TAFA2: variants seen among roughly 807,000 people sequenced by gnomAD.
TAFA2 encodes chemokine-like protein TAFA-2.
Under a neutral mutation model 18.8 loss-of-function variants are expected in TAFA2, and 7 were observed. That is an observed-to-expected ratio of 0.37 (90% confidence interval 0.21 to 0.70). The LOEUF (loss-of-function observed/expected upper bound fraction) is 0.70. Ranked by LOEUF, TAFA2 falls within the 30% of genes least tolerant of loss-of-function variation. The pLI is 0.53. For missense variants in TAFA2, 122 were observed against 158.1 expected, an observed-to-expected ratio of 0.77 and a Z score of 1.23; for synonymous variants, 60 against 54.2, an observed-to-expected ratio of 1.11 and a Z score of -0.47.
Position 61,755,879 on chromosome 12 carries a change from C to T in TAFA2, c.107-855G>A, listed in dbSNP as rs115808426. On this transcript the variant is annotated intron_variant, in intron 2 of 4. Coordinates refer to ENST00000416284, the MANE Select transcript of TAFA2 (RefSeq NM_178539.5). ...ATTTCTTCTTCAAATAGTAATCCTA[C>T]TGTGAAAAGATAAAACTTTTGCCTG... is the stretch of plus-strand genomic sequence containing the variant. 3.3e-3 allele frequency among the ~76,000 whole-genome samples: 502 copies of T among 152,028 alleles called. 4 individuals are homozygous for T. The highest frequency in any genetic ancestry group is 0.011 in the African/African-American group (469 of 41,474).
In TAFA2 at chr12:61,973,395, ATTTTT is replaced by A. The variant is rs33918768; in HGVS notation, c.-1-105974_-1-105970del. On this transcript the variant is annotated intron_variant, in intron 1 of 4. Coordinates refer to ENST00000416284, the MANE Select transcript of TAFA2 (RefSeq NM_178539.5). Reference sequence around the variant, plus strand: ...GATTTCCTTGGAAAATATTATTTAGATTTTTTTTTTTTTTTTTTTAGTTTTCATTA... The same window carrying A: ...GATTTCCTTGGAAAATATTATTTAGATTTTTTTTTTTTTTAGTTTTCATTA... Among the ~76,000 whole-genome samples the A allele has an allele frequency of 2.4e-3, 332 of 135,570 alleles. 2 individuals carry two copies. Among genetic ancestry groups the A allele is most frequent in the African/African-American group, 8.5e-3 (316 of 37,240 alleles). The allele number at this position is 135,570 out of a possible 152,430, so 88.9% of individuals were successfully genotyped here. A position where few individuals can be genotyped will look rare whatever the true frequency, so the allele number is the denominator to read the frequency against.
At chr12:61,883,174 A>C (rs1449189365) in intron 1 of TAFA2, among the ~76,000 whole-genome samples, 3 of 152,100 alleles carry the variant, frequency 2.0e-5, no homozygotes, top group African/African-American at 7.2e-5. Context: ...CATAGTAAAC[A>C]AAAAAAATTC....
At chr12:61,948,092 T>C (rs1389848775) in intron 1 of TAFA2, among the ~76,000 whole-genome samples, 1 of 152,048 alleles carries the variant, frequency 6.6e-6, no homozygotes, top group Non-Finnish European at 1.5e-5. Flanking sequence ...GTTTCTTTCA[T>C]TTAATCTACA....
At position 62,153,045 on chromosome 12, in the gene TAFA2, C is replaced by T. The variant is rs536339067; in HGVS notation, c.-2+38214G>A. 2.0e-5 allele frequency among the ~76,000 whole-genome samples: 3 copies of T among 152,208 alleles called. No homozygotes were observed. In the East Asian group the frequency reaches 5.8e-4, roughly 29 times the overall value. Reference sequence around the variant, plus strand: ...CAGCTTTTGGCATAAAAAAGACATTCAATAATTTTTTTAATGAATGAATAC... The same window carrying T: ...CAGCTTTTGGCATAAAAAAGACATTTAATAATTTTTTTAATGAATGAATAC... On this transcript the variant is annotated intron_variant, in intron 1 of 4. Coordinates refer to ENST00000416284, the MANE Select transcript of TAFA2 (RefSeq NM_178539.5).
upstream of TAFA2, among the ~76,000 whole-genome samples, chr12:62,194,279 C>G (rs529835843): frequency 2.0e-5 from 3 of 151,436 alleles, no homozygotes; most frequent in South Asian, 6.2e-4. Flanking sequence ...TACAAAATCA[C>G]TTTAGAACAT....
intron 1 of TAFA2, among the ~76,000 whole-genome samples, chr12:61,886,342 A>C (rs1875375780): frequency 6.6e-6 from 1 of 151,996 alleles, no homozygotes. Context: ...GTACCTGTAA[A>C]AGACCTCACT....
intron 1 of TAFA2, among the ~76,000 whole-genome samples, chr12:62,135,353 A>T (rs1870853526): frequency 6.6e-6 from 1 of 152,028 alleles, no homozygotes; most frequent in African/African-American, 2.4e-5. Flanking sequence ...TATCAAGCAA[A>T]ATGTCAGTTC....
chr12:61,843,284 C>T (rs1873264842), intron 2 of TAFA2, among the ~76,000 whole-genome samples: 1 of 152,050 alleles, frequency 6.6e-6, no homozygotes, highest in East Asian at 1.9e-4. Context: ...GGCTCTGCCA[C>T]ACTCTGTTCT....
intron 1 of TAFA2, among the ~76,000 whole-genome samples, chr12:61,973,961 T>C (rs919918046): frequency 1.3e-5 from 2 of 151,668 alleles, no homozygotes; most frequent in African/African-American, 4.8e-5. Context: ...AATAACTTCA[T>C]TGATGCAATA....
chr12:62,102,655 T>C (rs542059793), intron 1 of TAFA2, among the ~76,000 whole-genome samples: 2 of 152,302 alleles, frequency 1.3e-5, no homozygotes, highest in South Asian at 2.1e-4. Flanking sequence ...CATGGCTTTA[T>C]AGAGAACTCC....
intron 1 of TAFA2, among the ~76,000 whole-genome samples, chr12:61,947,993 G>A (rs1393265740): frequency 6.6e-6 from 1 of 152,064 alleles, no homozygotes; most frequent in African/African-American, 2.4e-5. Context: ...CAAACATCTG[G>A]AAAGAAGCCA....
chr12:61,888,439 C>T (rs1875485083), intron 1 of TAFA2, among the ~76,000 whole-genome samples: 1 of 152,074 alleles, frequency 6.6e-6, no homozygotes, highest in Non-Finnish European at 1.5e-5. Context: ...CTTAACTGTA[C>T]CTTAAAGAAG....
chr12:61,972,041 G>A (rs553840528), intron 1 of TAFA2, among the ~76,000 whole-genome samples: 1 of 151,250 alleles, frequency 6.6e-6, no homozygotes, highest in South Asian at 2.1e-4. Context: ...TTGAATAAAT[G>A]ATTTTTGATT....
chr12:62,150,214 T>C (rs1172997516), intron 1 of TAFA2, among the ~76,000 whole-genome samples: 1 of 152,194 alleles, frequency 6.6e-6, no homozygotes, highest in East Asian at 1.9e-4. Context: ...TAAAACAAGA[T>C]GCTTTCCCTA....
intron 1 of TAFA2, among the ~76,000 whole-genome samples, chr12:62,100,396 G>T (rs1452030176): frequency 2.0e-5 from 3 of 152,092 alleles, no homozygotes; most frequent in Admixed American, 6.6e-5. Flanking sequence ...CAGAAATGAA[G>T]GCTGGAGATA....
intron 1 of TAFA2, among the ~76,000 whole-genome samples, chr12:62,005,212 G>A (rs1036170011): frequency 6.6e-6 from 1 of 152,022 alleles, no homozygotes; most frequent in Non-Finnish European, 1.5e-5. Flanking sequence ...ACTATGTGAG[G>A]TGACGGCAGT....
Position 61,931,815 on chromosome 12 carries a change from T to G in TAFA2, c.-1-64389A>C, listed in dbSNP as rs137882930. 2.3e-3 allele frequency among the ~76,000 whole-genome samples: 354 copies of G among 152,332 alleles called. 5 individuals are homozygous for G. Among genetic ancestry groups the G allele is most frequent in the African/African-American group, 8.2e-3 (342 of 41,580 alleles). ...GGGAAATCTTCTGGAACACAAAAAG[T>G]AATATACAGCAGACCAATTTTTGTA... On this transcript the variant is annotated intron_variant, in intron 1 of 4. Transcript: ENST00000416284.
chr12:61,755,067 G>T (rs375774239), intron 2 of TAFA2, 43 bp from the exon 3 acceptor site: 1 of 1,600,326 alleles, frequency 6.2e-7, no homozygotes, highest in South Asian at 1.1e-5. Context: ...GAAAGCTTTG[G>T]ACACTTCCCC....
intron 1 of TAFA2, among the ~76,000 whole-genome samples, chr12:61,941,761 A>G (rs1258951478): frequency 1.3e-5 from 2 of 152,120 alleles, no homozygotes; most frequent in Non-Finnish European, 2.9e-5. Flanking sequence ...AAAAAACGGC[A>G]CACCACGAGA....
Sources: allele counts gnomAD v4.1 joint callset (sites outside exome capture counted in the v4.1 genomes callset), GRCh38; gene constraint gnomAD v4.1.1; transcripts MANE v1.5; gene names NCBI Gene and HGNC (gene_info 2026-07-23, HGNC 2026-07-21).